ABI3BP: variants seen among roughly 807,000 people sequenced by gnomAD.
ABI3BP encodes target of Nesh-SH3.
In ABI3BP, 216 loss-of-function variants were observed where a neutral mutation model predicts 268.6. The ratio of observed to expected loss-of-function variants is 0.80; its 90% CI spans 0.72 to 0.90. ABI3BP has a LOEUF of 0.90. Ranked by LOEUF, ABI3BP falls within the 40% of genes least tolerant of loss-of-function variation. The pLI, the probability that ABI3BP is intolerant of heterozygous loss-of-function variation, is 0.00. For missense variants in ABI3BP, 2,090 were observed against 2,182.4 expected (o/e 0.96, Z 0.84); for synonymous variants, 730 against 730.0 (o/e 1.00, Z 0.00).
In ABI3BP at chr3:100,926,348, C is replaced by A; in HGVS notation, c.213G>T (p.Gln71His). Reference sequence around the variant, plus strand: ...TCCCTTCAGCGGGAAGAGGGAAGTACTGGTTTGGTGATACATTGCTGCCAT... The same window carrying A: ...TCCCTTCAGCGGGAAGAGGGAAGTAATGGTTTGGTGATACATTGCTGCCAT... ...LGYGSNVSPN[Q>H]YFPLPAEGKF... Residue 71 changes from glutamine (Q) to histidine (H), a missense_variant, in exon 2 of 68, where the codon CAG becomes CAT. By Grantham distance (24) the Gln-to-His change is conservative. Coordinates refer to ENST00000471714, the MANE Select transcript of ABI3BP (RefSeq NM_001375547.2). 6.2e-7 allele frequency: 1 copy of A among 1,613,482 alleles called. No individual in the cohort carries two copies. Among genetic ancestry groups the A allele is most frequent in the Non-Finnish European group, 8.5e-7 (1 of 1,179,616 alleles).
rs537667018 is a variant in ABI3BP, at chr3:100,896,563, C to CTTAAAAT, written c.461+2192_461+2198dup. 6.6e-4 allele frequency among the ~76,000 whole-genome samples: 101 copies of CTTAAAAT among 152,180 alleles called. 1 individual carries two copies. In the East Asian group the frequency reaches 0.014, roughly 21 times the overall value. Reference sequence around the variant, plus strand: ...GATTCATCAAGCAAGTTGAGTAACCCTTAAAATTGGGTTGCATTTTGCTGT... The same window carrying CTTAAAAT: ...GATTCATCAAGCAAGTTGAGTAACCCTTAAAATTTAAAATTGGGTTGCATTTTGCTGT... On this transcript the variant is annotated intron_variant, in intron 4 of 67. Transcript: ENST00000471714.
intron 62 of ABI3BP, among the ~76,000 whole-genome samples, chr3:100,768,335 A>G (rs537674916): frequency 2.7e-4 from 41 of 152,006 alleles, no homozygotes; most frequent in Admixed American, 5.2e-4. Context: ...TAATCCGCCC[A>G]CCTCAGCCTC....
In ABI3BP at chr3:100,860,241, A is replaced by C. The variant is rs181309495; in HGVS notation, c.1285+2070T>G. ...GACTGAGGATCATGCTAAGTAGCAA[A>C]GACATAAAAATTAACTGTTATAAGG... On this transcript the variant is annotated intron_variant, in intron 14 of 67. Coordinates refer to ENST00000471714, the MANE Select transcript of ABI3BP (RefSeq NM_001375547.2). Among the ~76,000 whole-genome samples the C allele has an allele frequency of 2.3e-3, 348 of 152,318 alleles. 1 individual carries two copies. The highest frequency in any genetic ancestry group is 2.4e-3 in the Non-Finnish European group (166 of 68,024).
intron 1 of ABI3BP, among the ~76,000 whole-genome samples, chr3:100,974,772 G>T (rs920846520): frequency 6.6e-6 from 1 of 152,134 alleles, no homozygotes; most frequent in Non-Finnish European, 1.5e-5. Flanking sequence ...TTTTTGAAAG[G>T]TATTTTGTTG....
intron 6 of ABI3BP, 97 bp from the exon 7 acceptor site, chr3:100,876,657 T>C: frequency 9.4e-7 from 1 of 1,068,432 alleles, no homozygotes; most frequent in East Asian, 2.4e-5. Flanking sequence ...TTTCTTGTCT[T>C]CAATGAAGTC....
At chr3:100,812,317 A>G in intron 46 of ABI3BP, 150 bp downstream of exon 46, 1 of 439,020 alleles carries the variant, frequency 2.3e-6, no homozygotes, top group Non-Finnish European at 3.9e-6. Flanking sequence ...GCTGTATACA[A>G]TGACATTCAA....
At chr3:100,828,548 T>C in intron 33 of ABI3BP, 96 bp from the exon 34 acceptor site, 1 of 1,115,554 alleles carries the variant, frequency 9.0e-7, no homozygotes, top group Admixed American at 2.2e-5. Context: ...TCATGACATA[T>C]CTGTCCAGAG....
intron 9 of ABI3BP, among the ~76,000 whole-genome samples, chr3:100,871,750 G>A (rs56318436): frequency 0.22 from 33,295 of 152,108 alleles, 3,872 homozygotes; most frequent in South Asian, 0.31. Flanking sequence ...CCAGTCTCGG[G>A]TATATCTTTA....
At position 100,750,626 on chromosome 3, in the gene ABI3BP, G is replaced by T; in HGVS notation, c.5246-16C>A. On this transcript the variant is annotated splice_polypyrimidine_tract_variant and intron_variant, in intron 67 of 67. Transcript: ENST00000471714. ...CTGAAATAACCTGAGAGAGAAAATA[G>T]TTTCATTTTAATAGCTGCTGTATTA... The T allele has an allele frequency of 1.3e-6, 2 of 1,582,768 alleles. No individual in the cohort carries two copies. The highest frequency in any genetic ancestry group is 2.2e-5 in the East Asian group (1 of 44,574).
chr3:100,837,120 T>C lies in ABI3BP; in HGVS notation c.2131+4A>G. 6.5e-7 allele frequency: 1 copy of C among 1,532,462 alleles called. No homozygotes were observed. Among genetic ancestry groups the C allele is most frequent in the Non-Finnish European group, 8.7e-7 (1 of 1,145,224 alleles). 94.9% of individuals were successfully genotyped at this position (1,532,462 alleles called of 1,614,324 possible). On this transcript the variant is annotated splice_donor_region_variant and intron_variant, in intron 27 of 67. Transcript: ENST00000471714. ...TTGGCCAAGAAGGAAGAAAGCATCA[T>C]TACCTATGGTCATTGAGGGAGCTTC...
At chr3:100,917,070 C>T (rs530207896) in intron 2 of ABI3BP, among the ~76,000 whole-genome samples, 1 of 152,192 alleles carries the variant, frequency 6.6e-6, no homozygotes, top group Admixed American at 6.5e-5. Context: ...AATTTTTTCT[C>T]CTGGATATTT....
At chr3:100,905,974 T>C (rs1187115061) in intron 2 of ABI3BP, among the ~76,000 whole-genome samples, 3 of 152,184 alleles carry the variant, frequency 2.0e-5, no homozygotes, top group Non-Finnish European at 4.4e-5. Context: ...TGCATTTTCA[T>C]TTTGTTCTTG....
intron 35 of ABI3BP, among the ~76,000 whole-genome samples, chr3:100,825,279 T>C (rs574316820): frequency 5.9e-5 from 9 of 152,098 alleles, no homozygotes; most frequent in Non-Finnish European, 1.5e-5. Flanking sequence ...AAGAGGCTTA[T>C]AACTTAAGAT....
At chr3:100,828,349 G>A in intron 34 of ABI3BP, 44 bp downstream of exon 34, 1 of 1,486,804 alleles carries the variant, frequency 6.7e-7, no homozygotes, top group Non-Finnish European at 9.1e-7. Flanking sequence ...AAGCTTGACA[G>A]TGAGCAGAAA....
intron 1 of ABI3BP, among the ~76,000 whole-genome samples, chr3:100,933,632 A>AATATAT (rs55749258): frequency 0.59 from 86,248 of 146,120 alleles, 26,044 homozygotes; most frequent in East Asian, 0.89. Context: ...CAATATTTGC[A>AATATAT]ATATATATAT....
In ABI3BP at chr3:100,820,279, C is replaced by A; in HGVS notation, c.2972G>T (p.Arg991Leu). 1 of 1,535,926 alleles carries A rather than the reference C, an allele frequency of 6.5e-7. No individual in the cohort carries two copies. Among genetic ancestry groups the A allele is most frequent in the South Asian group, 1.2e-5 (1 of 83,994 alleles). ...TQAPKTSQRTRRPRPKTKTTP... is the reference protein window; with the variant it reads ...TQAPKTSQRTLRPRPKTKTTP... The stretch of plus-strand genomic sequence containing the variant: ...GGTTTTAGTTTTGGGACGTGGACGA[C>A]GAGTTCGTTGTGATGTTTTAGGAGC... Residue 991 changes from arginine (R) to leucine (L), a missense_variant, in exon 40 of 68, where the codon CGT (arginine) becomes CTT (leucine). Coordinates refer to ENST00000471714, the MANE Select transcript of ABI3BP (RefSeq NM_001375547.2).
intron 62 of ABI3BP, among the ~76,000 whole-genome samples, chr3:100,770,237 A>G (rs1348413482): frequency 6.6e-6 from 1 of 152,156 alleles, no homozygotes; most frequent in Non-Finnish European, 1.5e-5. Context: ...CTTAGTTTTT[A>G]CAATCATTTT....
At chr3:100,849,085 TG>T (rs2098809053) in intron 17 of ABI3BP, among the ~76,000 whole-genome samples, 1 of 151,128 alleles carries the variant, frequency 6.6e-6, no homozygotes, top group Non-Finnish European at 1.5e-5. Context: ...ACATGAGAAT[TG>T]AAGATATACA....
At chr3:100,934,373 A>G (rs909924062) in intron 1 of ABI3BP, among the ~76,000 whole-genome samples, 2 of 152,078 alleles carry the variant, frequency 1.3e-5, no homozygotes, top group African/African-American at 4.8e-5. Flanking sequence ...TTCCTTATCC[A>G]GTCTATCACT....
Sources: gnomAD v4.1 joint callset for allele counts (sites outside exome capture counted in the v4.1 genomes callset) on GRCh38, gnomAD v4.1.1 for gene constraint, MANE v1.5 for transcripts, NCBI Gene and HGNC (gene_info 2026-07-23, HGNC 2026-07-21) for gene names.